Variants in ARHGAP19 observed in about 807,000 individuals in gnomAD.
The protein encoded by ARHGAP19 is rho GTPase-activating protein 19.
A neutral mutation model predicts 60.9 loss-of-function variants in ARHGAP19; 48 were observed. That is an observed-to-expected ratio of 0.79 (90% CI 0.62 to 1.00). The LOEUF (loss-of-function observed/expected upper bound fraction) is 1.00, where lower values mean the gene tolerates loss of function less well. ARHGAP19 is among the 50% of genes least tolerant of loss of function. ARHGAP19 has a pLI of 0.00. For synonymous variants in ARHGAP19, 209 were observed against 215.5 expected (o/e 0.97, Z 0.27); for missense variants, 562 against 597.2 (o/e 0.94, Z 0.61).
chr10:97,265,758 TG>T, intron 2 of ARHGAP19, 101 bp downstream of exon 2: 1 of 1,472,590 alleles, frequency 6.8e-7, no homozygotes, highest in Non-Finnish European at 9.1e-7. Context: ...GGCCAAAAAA[TG>T]CTTTAAGTTA....
chr10:97,237,764 G>A (rs1016189359), intron 8 of ARHGAP19, among the ~76,000 whole-genome samples: 1 of 151,746 alleles, frequency 6.6e-6, no homozygotes, highest in Non-Finnish European at 1.5e-5. Context: ...CCAGCTACTC[G>A]GGAGGCTGAG....
At chr10:97,260,191 A>C (rs1248167324) in intron 4 of ARHGAP19, among the ~76,000 whole-genome samples, 1 of 151,668 alleles carries the variant, frequency 6.6e-6, no homozygotes, top group Non-Finnish European at 1.5e-5. Context: ...AAGGTATACA[A>C]GTGGCCAAGA....
Position 97,273,484 on chromosome 10 carries a change from CTTTTTTT to C in ARHGAP19, c.57-7366_57-7360del, listed in dbSNP as rs11442502. ...AGCCTATTTCATTAATTTCTGCTCT[CTTTTTTT>C]TTTTTTTTTTTTTTTGAGACAGAGA... is the stretch of plus-strand genomic sequence containing the variant. On this transcript the variant is annotated intron_variant, in intron 1 of 11. Transcript: ENST00000358531. Among the ~76,000 whole-genome samples the C allele has an allele frequency of 8.6e-3, 800 of 92,532 alleles. 8 individuals are homozygous for C. The highest frequency in any genetic ancestry group is 0.032 in the African/African-American group (780 of 24,302). The allele number at this position is 92,532 out of a possible 152,430, so 60.7% of individuals were successfully genotyped here.
intron 1 of ARHGAP19, among the ~76,000 whole-genome samples, chr10:97,267,301 T>G (rs1564725093): frequency 6.6e-6 from 1 of 152,240 alleles, no homozygotes; most frequent in East Asian, 1.9e-4. Flanking sequence ...GTCACGATGA[T>G]GCAAGAGGTG....
chr10:97,267,900 G>A (rs935129975), intron 1 of ARHGAP19, among the ~76,000 whole-genome samples: 34 of 152,374 alleles, frequency 2.2e-4, no homozygotes, highest in African/African-American at 7.5e-4. Flanking sequence ...GATGGGAGGT[G>A]CTGCTACAAA....
At chr10:97,266,830 C>A (rs1337400111) in intron 1 of ARHGAP19, among the ~76,000 whole-genome samples, 2 of 152,126 alleles carry the variant, frequency 1.3e-5, no homozygotes, top group Non-Finnish European at 2.9e-5. Context: ...AAAACCACCT[C>A]ATGATTCAAT....
At chr10:97,267,264 T>C (rs1842909809) in intron 1 of ARHGAP19, among the ~76,000 whole-genome samples, 1 of 152,206 alleles carries the variant, frequency 6.6e-6, no homozygotes, top group Non-Finnish European at 1.5e-5. Flanking sequence ...TGAAATAATC[T>C]CCTTTGACTC....
chr10:97,257,294 T>G (rs1842768466), intron 5 of ARHGAP19, among the ~76,000 whole-genome samples: 1 of 149,610 alleles, frequency 6.7e-6, no homozygotes, highest in Non-Finnish European at 1.5e-5. Context: ...TTTTTTTTTT[T>G]TTTTTTTTTT....
At chr10:97,284,793 C>T (rs1843131786) in intron 1 of ARHGAP19, among the ~76,000 whole-genome samples, 1 of 150,778 alleles carries the variant, frequency 6.6e-6, no homozygotes, top group Admixed American at 6.6e-5. Context: ...AGATGAGAGC[C>T]ACCACTTTTA....
chr10:97,227,551 G>A (rs1850920569), intron 11 of ARHGAP19, among the ~76,000 whole-genome samples: 1 of 152,160 alleles, frequency 6.6e-6, no homozygotes, highest in South Asian at 2.1e-4. Flanking sequence ...TAAAGAGGAA[G>A]AAGAACGAGA....
intron 1 of ARHGAP19, among the ~76,000 whole-genome samples, chr10:97,284,857 T>C (rs1207602702): frequency 2.5e-5 from 3 of 118,816 alleles, no homozygotes; most frequent in Non-Finnish European, 5.4e-5. Context: ...AGCATATACT[T>C]TTTTTTTTTT....
chr10:97,226,879 G>A (rs895462312), intron 11 of ARHGAP19, among the ~76,000 whole-genome samples: 3 of 152,214 alleles, frequency 2.0e-5, no homozygotes, highest in Non-Finnish European at 4.4e-5. Flanking sequence ...TTTGACTACT[G>A]AAAATAATGG....
intron 1 of ARHGAP19, among the ~76,000 whole-genome samples, chr10:97,285,668 A>C (rs7899562): frequency 0.044 from 6,682 of 151,282 alleles, 212 homozygotes; most frequent in Non-Finnish European, 0.061. Flanking sequence ...ATTATAGGCA[A>C]CCGCCACACA....
intron 5 of ARHGAP19, chr10:97,258,857 G>C (rs142212823): frequency 6.6e-6 from 1 of 152,076 alleles, no homozygotes; most frequent in East Asian, 1.9e-4. Context: ...TATTTCTCTT[G>C]TAAGTCACTG....
chr10:97,270,317 G>T (rs532154437), intron 1 of ARHGAP19, among the ~76,000 whole-genome samples: 1 of 152,090 alleles, frequency 6.6e-6, no homozygotes, highest in African/African-American at 2.4e-5. Context: ...CTAAGAGATG[G>T]AAATAGTTAA....
At chr10:97,238,654 A>C (rs1384190855) in intron 8 of ARHGAP19, among the ~76,000 whole-genome samples, 2 of 152,240 alleles carry the variant, frequency 1.3e-5, no homozygotes, top group Non-Finnish European at 2.9e-5. Context: ...GTTTTAAGCT[A>C]AGTGTTATTA....
At chr10:97,271,269 A>G (rs935760078) in intron 1 of ARHGAP19, among the ~76,000 whole-genome samples, 3 of 152,112 alleles carry the variant, frequency 2.0e-5, no homozygotes, top group African/African-American at 7.2e-5. Context: ...TTTTCACTGT[A>G]TGCTCTTTTG....
At position 97,229,869 on chromosome 10, in the gene ARHGAP19, C is replaced by A. The variant is rs775582529; in HGVS notation, c.1290G>T (p.Lys430Asn). 2 of 1,602,256 alleles carry A rather than the reference C, an allele frequency of 1.2e-6. No individual in the cohort carries two copies. The highest frequency in any genetic ancestry group is 1.7e-6 in the Non-Finnish European group (2 of 1,172,184). Reference sequence around the variant, plus strand: ...CTGACATCATCTGATTTCCCAGGACCTTCCGCTGATTTAAGAACAGAAAAC... The same window carrying A: ...CTGACATCATCTGATTTCCCAGGACATTCCGCTGATTTAAGAACAGAAAAC... ...SRSFSGLIKR[K>N]VLGNQMMSEK... Residue 430 changes from lysine to asparagine, a missense_variant, in exon 10 of 12, where the codon AAG (lysine) becomes AAT (asparagine). Coordinates refer to ENST00000358531, the MANE Select transcript of ARHGAP19 (RefSeq NM_032900.6).
At chr10:97,236,103 G>A (rs1842374193) in intron 8 of ARHGAP19, among the ~76,000 whole-genome samples, 1 of 152,118 alleles carries the variant, frequency 6.6e-6, no homozygotes, top group Admixed American at 6.5e-5. Flanking sequence ...AGCCTGGCGA[G>A]TAGCTGGGAT....
Sources: gnomAD v4.1 joint callset for allele counts (sites outside exome capture counted in the v4.1 genomes callset) on GRCh38, gnomAD v4.1.1 for gene constraint, MANE v1.5 for transcripts, NCBI Gene and HGNC (gene_info 2026-07-23, HGNC 2026-07-21) for gene names.